The following NEDD4L variants were observed in gnomAD, a reference collection of about 807,000 sequenced individuals.
NEDD4L encodes NEDD4 like E3 ubiquitin protein ligase, also known as E3 ubiquitin-protein ligase NEDD4-like.
A neutral mutation model predicts 148.9 loss-of-function variants in NEDD4L; 54 were observed. The ratio of observed to expected loss-of-function variants is 0.36; its 90% CI spans 0.29 to 0.45. The LOEUF is 0.45. Among genes scored for constraint, NEDD4L ranks in the 20% least tolerant of loss-of-function variants. NEDD4L has a pLI of 1.00. For synonymous variants in NEDD4L, 433 were observed against 440.7 expected (o/e 0.98, Z 0.22); for missense variants, 856 against 1,233.8 (o/e 0.69, Z 4.59).
In NEDD4L at chr18:58,099,147, A is replaced by AG. The variant is rs1489891218; in HGVS notation, c.48+54439_48+54440insG. 2.6e-5 allele frequency among the ~76,000 whole-genome samples: 4 copies of AG among 152,104 alleles called. No individual in the cohort carries two copies. In the East Asian group the frequency reaches 7.7e-4, roughly 29 times the overall value. ...AATATCTGTACCTGTTTGTGTCCAG[A>AG]TTCTTCTGGTTATTTTGACTTCCTT... On this transcript the variant is annotated intron_variant, in intron 1 of 30. Coordinates refer to ENST00000400345, the MANE Select transcript of NEDD4L (RefSeq NM_001144967.3).
intron 17 of NEDD4L, 147 bp from the exon 18 acceptor site, chr18:58,350,844 T>A: frequency 1.7e-6 from 1 of 586,866 alleles, no homozygotes; most frequent in Non-Finnish European, 3.0e-6. Context: ...ACTTGAAATG[T>A]TCATATTTAG....
intron 1 of NEDD4L, among the ~76,000 whole-genome samples, chr18:58,131,628 G>A (rs2032169027): frequency 6.7e-6 from 1 of 148,198 alleles, no homozygotes; most frequent in Non-Finnish European, 1.5e-5. Flanking sequence ...TTGGAATTTG[G>A]TTGGTTGTGA....
chr18:58,135,645 T>C (rs1011901053), intron 1 of NEDD4L, among the ~76,000 whole-genome samples: 45 of 152,264 alleles, frequency 3.0e-4, no homozygotes, highest in Non-Finnish European at 6.2e-4. Context: ...CCGACTTCTT[T>C]CTAGTAAATT....
At chr18:58,314,893 C>G (rs1180179857) in intron 5 of NEDD4L, among the ~76,000 whole-genome samples, 1 of 152,166 alleles carries the variant, frequency 6.6e-6, no homozygotes, top group African/African-American at 2.4e-5. Flanking sequence ...TCATATTTAC[C>G]TGCTGCTTCC....
chr18:58,054,809 C>T (rs2082024172), intron 1 of NEDD4L: 1 of 152,202 alleles, frequency 6.6e-6, no homozygotes, highest in Non-Finnish European at 1.5e-5. Flanking sequence ...ACTACATCTA[C>T]AGGGAGCTGA....
chr18:58,045,055 G>A, intron 1 of NEDD4L: 1 of 407,314 alleles, frequency 2.5e-6, no homozygotes, highest in Non-Finnish European at 4.3e-6. Context: ...GCAACTTTCC[G>A]CCTCTCGCCC....
intron 5 of NEDD4L, 84 bp from the exon 6 acceptor site, chr18:58,315,898 T>C: frequency 8.2e-7 from 1 of 1,212,778 alleles, no homozygotes; most frequent in Non-Finnish European, 1.2e-6. Context: ...GACCTTTGTC[T>C]CTATTCATGA....
In NEDD4L at chr18:58,335,536, C is replaced by T. The variant is rs753372731; in HGVS notation, c.1124C>T (p.Thr375Met). ...SSTVTGGEEP[T>M]PSVAYVHTTP... ...ACTGTCACGGGTGGTGAGGAACCAACGGTAATGATCCACTTTATCAGACAT... is the reference window on the plus strand; with the variant it reads ...ACTGTCACGGGTGGTGAGGAACCAATGGTAATGATCCACTTTATCAGACAT... The change falls in exon 13 of 31, where the codon ACG (threonine) becomes ATG (methionine). Residue 375 changes from threonine to methionine, a missense_variant and splice_region_variant. By Grantham distance (81) the Thr-to-Met change is moderately conservative. Around this residue, in one of 4 missense-constraint regions of NEDD4L, gnomAD observed 367 missense variants for 422.7 expected, o/e 0.87. Coordinates refer to ENST00000400345, the MANE Select transcript of NEDD4L (RefSeq NM_001144967.3). 1.7e-5 allele frequency: 27 copies of T among 1,611,136 alleles called. No homozygotes were observed. The highest frequency in any genetic ancestry group is 5.5e-5 in the South Asian group (5 of 91,042).
intron 5 of NEDD4L, among the ~76,000 whole-genome samples, chr18:58,311,261 T>G (rs1225853821): frequency 6.6e-6 from 1 of 152,246 alleles, no homozygotes; most frequent in African/African-American, 2.4e-5. Flanking sequence ...TGTTCTATAT[T>G]ATGCTTAACT....
chr18:58,334,739 A>G lies in NEDD4L; in HGVS notation c.1066-739A>G, dbSNP rs966724296. Among the ~76,000 whole-genome samples, 7 of 152,162 alleles carry G rather than the reference A, an allele frequency of 4.6e-5. No individual in the cohort carries two copies. The South Asian group carries it at 6.2e-4, about 14-fold the overall frequency. On this transcript the variant is annotated intron_variant, in intron 12 of 30. Transcript: ENST00000400345. ...AATCACAGTGTCTTCCCTCTCATGT[A>G]TGTTTTTTCTTGACTTCAAAGGATA...
chr18:58,359,414 TC>T (rs1215204996), intron 19 of NEDD4L, among the ~76,000 whole-genome samples: 2 of 152,208 alleles, frequency 1.3e-5, no homozygotes, highest in African/African-American at 4.8e-5. Context: ...CTGTCTACTC[TC>T]CTTAACATCA....
chr18:58,182,185 G>A (rs2038933040), intron 2 of NEDD4L, among the ~76,000 whole-genome samples: 1 of 152,154 alleles, frequency 6.6e-6, no homozygotes, highest in Non-Finnish European at 1.5e-5. Flanking sequence ...AAGTGGATAT[G>A]CATAGCAAAG....
chr18:58,252,730 A>T (rs1484446927), intron 5 of NEDD4L, among the ~76,000 whole-genome samples: 6 of 151,822 alleles, frequency 4.0e-5, no homozygotes, highest in Admixed American at 3.3e-4. Context: ...ATTGTTTTTA[A>T]TTTTTTTTAG....
At chr18:58,144,929 C>A (rs957177247) in intron 1 of NEDD4L, among the ~76,000 whole-genome samples, 1 of 152,154 alleles carries the variant, frequency 6.6e-6, no homozygotes, top group Admixed American at 6.5e-5. Flanking sequence ...AACAGAGGGA[C>A]CTCATGCGAG....
intron 1 of NEDD4L, among the ~76,000 whole-genome samples, chr18:58,127,108 C>G (rs2031258038): frequency 6.6e-6 from 1 of 152,224 alleles, no homozygotes; most frequent in Non-Finnish European, 1.5e-5. Flanking sequence ...TAGCAAACCC[C>G]GTCTCCTGTC....
intron 5 of NEDD4L, among the ~76,000 whole-genome samples, chr18:58,252,925 A>G (rs899295693): frequency 2.0e-5 from 3 of 152,266 alleles, no homozygotes; most frequent in Middle Eastern, 3.4e-3. Context: ...TTTCTTAACT[A>G]TCTAAAACGT....
chr18:58,249,508 TAGC>T (rs1851680650), intron 4 of NEDD4L, among the ~76,000 whole-genome samples: 1 of 152,248 alleles, frequency 6.6e-6, no homozygotes, highest in Non-Finnish European at 1.5e-5. Flanking sequence ...ATATGTGAAT[TAGC>T]AGAGATTTCT....
At chr18:58,375,943 C>T (rs921206499) in intron 24 of NEDD4L, among the ~76,000 whole-genome samples, 2 of 151,982 alleles carry the variant, frequency 1.3e-5, no homozygotes, top group East Asian at 3.9e-4. Context: ...TGGTTAGTCA[C>T]CCTGGAAGTA....
chr18:58,201,751 A>G (rs2041440327), intron 2 of NEDD4L, among the ~76,000 whole-genome samples: 1 of 152,182 alleles, frequency 6.6e-6, no homozygotes, highest in African/African-American at 2.4e-5. Flanking sequence ...TGGAAAGAGT[A>G]TGGATATATT....
Sources: gnomAD v4.1 joint callset for allele counts (sites outside exome capture counted in the v4.1 genomes callset) on GRCh38, gnomAD v4.1.1 for gene constraint, gnomAD v4.1.1 regional missense constraint, MANE v1.5 for transcripts, NCBI Gene and HGNC (gene_info 2026-07-23, HGNC 2026-07-21) for gene names.